The following LRRN1 variants were observed in gnomAD, a reference collection of about 807,000 sequenced individuals.
LRRN1 encodes leucine-rich repeat neuronal protein 1.
Under a neutral mutation model 45.8 loss-of-function variants are expected in LRRN1, and 14 were observed. The observed-to-expected ratio is 0.31, with a 90% CI of 0.20 to 0.48. LRRN1 has a LOEUF of 0.48. Ranked by LOEUF, LRRN1 falls within the 20% of genes least tolerant of loss-of-function variation. LRRN1 has a pLI of 0.99. For missense variants in LRRN1, 789 were observed against 874.2 expected (o/e 0.90, Z 1.23); for synonymous variants, 359 against 330.1 (o/e 1.09, Z -0.95).
chr3:3,804,986 T>C (rs1409489387), intron 1 of LRRN1, among the ~76,000 whole-genome samples: 1 of 152,192 alleles, frequency 6.6e-6, no homozygotes, highest in East Asian at 1.9e-4. Flanking sequence ...ACAAAGATTT[T>C]CAAGGGAGGC....
intron 1 of LRRN1, among the ~76,000 whole-genome samples, chr3:3,832,076 T>C (rs909397332): frequency 6.6e-6 from 1 of 152,186 alleles, no homozygotes; most frequent in African/African-American, 2.4e-5. Flanking sequence ...CACGACTTAG[T>C]TAAGCTCATG....
intron 1 of LRRN1, among the ~76,000 whole-genome samples, chr3:3,822,158 A>T (rs1162402387): frequency 6.6e-6 from 1 of 152,162 alleles, no homozygotes; most frequent in Non-Finnish European, 1.5e-5. Flanking sequence ...CACCCATAAA[A>T]ATAGGAACAT....
chr3:3,845,083 C>T lies in LRRN1; in HGVS notation c.442C>T (p.Leu148Phe), dbSNP rs1693734442. Residue 148 changes from leucine to phenylalanine, a missense_variant, in exon 2 of 2, where the codon CTC becomes TTC. Transcript: ENST00000319331. This position sits in a 1 kb window ranked among gnomAD's most constrained non-coding sequence, Gnocchi z 6.5. ...ACAAGACCTCAGCAACCTTCAAGAACTCTACATCAACCACAACCAAATTAG... is the reference window on the plus strand; with the variant it reads ...ACAAGACCTCAGCAACCTTCAAGAATTCTACATCAACCACAACCAAATTAG... Reference protein sequence around the residue: ...CLQDLSNLQELYINHNQISTI... With the variant: ...CLQDLSNLQEFYINHNQISTI... The T allele has an allele frequency of 1.2e-6, 2 of 1,614,144 alleles. No individual in the cohort carries two copies. Among genetic ancestry groups the T allele is most frequent in the Non-Finnish European group, 1.7e-6 (2 of 1,180,018 alleles).
At chr3:3,827,034 G>GAA (rs1308745187) in intron 1 of LRRN1, among the ~76,000 whole-genome samples, 1 of 152,080 alleles carries the variant, frequency 6.6e-6, no homozygotes, top group African/African-American at 2.4e-5. Context: ...CAACACCCAT[G>GAA]AAAAAGACTC....
chr3:3,823,405 AAAGAAG>A (rs932449423), intron 1 of LRRN1, among the ~76,000 whole-genome samples: 19 of 152,246 alleles, frequency 1.2e-4, no homozygotes, highest in African/African-American at 4.6e-4. Flanking sequence ...TTAAAAAAAA[AAAGAAG>A]AAGAAGAAGG....
intron 1 of LRRN1, among the ~76,000 whole-genome samples, chr3:3,811,740 G>A (rs1692875403): frequency 6.6e-6 from 1 of 152,194 alleles, no homozygotes; most frequent in South Asian, 2.1e-4. Context: ...AATATCAAGT[G>A]CTATTAGAAA....
rs898018013 is a variant in LRRN1, at chr3:3,845,937, A to G, written c.1296A>G (p.Pro432=). ...CLPMISHDSF[P]NRLNVDIGTT... ...CAATGATATCTCACGACAGCTTCCC[A>G]AATCGTTTAAACGTGGATATCGGCA... The change falls in exon 2 of 2, where the codon CCA becomes CCG. Residue 432 remains proline (P), a synonymous_variant. Transcript: ENST00000319331. This position sits in a 1 kb window ranked among gnomAD's most constrained non-coding sequence, Gnocchi z 6.5. 3 of 1,614,002 alleles carry G rather than the reference A, an allele frequency of 1.9e-6. No homozygotes were observed. Among genetic ancestry groups the G allele is most frequent in the African/African-American group, 2.7e-5 (2 of 74,904 alleles).
At chr3:3,810,926 A>G (rs1692858737) in intron 1 of LRRN1, among the ~76,000 whole-genome samples, 1 of 152,182 alleles carries the variant, frequency 6.6e-6, no homozygotes. Context: ...AAATGGAAAT[A>G]GTAATTATTT....
intron 1 of LRRN1, among the ~76,000 whole-genome samples, chr3:3,814,381 A>C (rs1175858031): frequency 1.3e-5 from 2 of 151,316 alleles, no homozygotes; most frequent in Non-Finnish European, 2.9e-5. Context: ...CAGGAATCAG[A>C]TGTATATGGG....
rs2106474828 is a variant in LRRN1, at chr3:3,848,717, C to A, written c.*1925C>A. 6.6e-6 allele frequency among the ~76,000 whole-genome samples: 1 copy of A among 152,254 alleles called. No homozygotes were observed. Among genetic ancestry groups the A allele is most frequent in the South Asian group, 2.1e-4 (1 of 4,824 alleles). The stretch of plus-strand genomic sequence containing the variant: ...CACTTATTGGTGAGAAAAACCTGGG[C>A]CCAGGGAGGGCTTGCAGCTTACCCA... On this transcript the variant is annotated 3_prime_UTR_variant, in exon 2 of 2. Transcript: ENST00000319331.
chr3:3,825,989 A>T (rs1455146607), intron 1 of LRRN1, among the ~76,000 whole-genome samples: 1 of 152,048 alleles, frequency 6.6e-6, no homozygotes, highest in African/African-American at 2.4e-5. Context: ...CCATAAAGGG[A>T]CTCTGAAAGC....
intron 1 of LRRN1, among the ~76,000 whole-genome samples, chr3:3,832,461 C>A (rs899137678): frequency 3.3e-5 from 5 of 152,156 alleles, no homozygotes; most frequent in African/African-American, 1.2e-4. Flanking sequence ...AATTACCTGA[C>A]CTGCATAAGC....
At chr3:3,807,872 C>A (rs747148322) in intron 1 of LRRN1, among the ~76,000 whole-genome samples, 11 of 152,164 alleles carry the variant, frequency 7.2e-5, no homozygotes, top group African/African-American at 2.7e-4. Context: ...GCCTAACCCC[C>A]CAAAGGACCA....
chr3:3,801,985 T>C (rs1021395839), intron 1 of LRRN1, among the ~76,000 whole-genome samples: 1 of 152,220 alleles, frequency 6.6e-6, no homozygotes, highest in Non-Finnish European at 1.5e-5. Flanking sequence ...TAGAAGATCG[T>C]TGTCGTTGAC....
intron 1 of LRRN1, among the ~76,000 whole-genome samples, chr3:3,810,262 A>C (rs1313698984): frequency 6.6e-6 from 1 of 152,202 alleles, no homozygotes; most frequent in African/African-American, 2.4e-5. Context: ...ATATCATTCC[A>C]CCAAGAGGAG....
intron 1 of LRRN1, among the ~76,000 whole-genome samples, chr3:3,842,599 A>T (rs944079055): frequency 1.3e-5 from 2 of 152,196 alleles, no homozygotes; most frequent in Non-Finnish European, 2.9e-5. Flanking sequence ...AATAGCAGCT[A>T]GCATGAATTC....
chr3:3,833,998 C>T (rs1354607007), intron 1 of LRRN1, among the ~76,000 whole-genome samples: 2 of 152,128 alleles, frequency 1.3e-5, no homozygotes, highest in Non-Finnish European at 2.9e-5. Context: ...GTCACCCACT[C>T]GCATGATAAG....
chr3:3,844,407 G>A lies in LRRN1; in HGVS notation c.-235G>A, dbSNP rs190235354. ...ATTTGGCTGAAATAATTCATGCCAC[G>A]GACCTGTGCACATGCCTGGAATTGA... On this transcript the variant is annotated 5_prime_UTR_variant, in exon 2 of 2. Transcript: ENST00000319331. 39 of 443,982 alleles carry A rather than the reference G, an allele frequency of 8.8e-5. No homozygotes were observed. The East Asian group carries it at 1.1e-3, about 13-fold the overall frequency. 27.5% of individuals were successfully genotyped at this position (443,982 alleles called of 1,614,324 possible).
In LRRN1 at chr3:3,844,866, A is replaced by G. The variant is rs749651190; in HGVS notation, c.225A>G (p.Gln75=). ...RIPSNLSSDT[Q]VLLLQSNNIA... Reference sequence around the variant, plus strand: ...CCAGTAACCTCTCTAGTGACACACAAGTGCTTCTCTTACAGAGCAATAACA... The same window carrying G: ...CCAGTAACCTCTCTAGTGACACACAGGTGCTTCTCTTACAGAGCAATAACA... The change falls in exon 2 of 2, where the codon CAA becomes CAG. Residue 75 remains glutamine, a synonymous_variant. Coordinates refer to ENST00000319331, the MANE Select transcript of LRRN1 (RefSeq NM_020873.7). 6.2e-6 allele frequency: 10 copies of G among 1,614,054 alleles called. No individual in the cohort carries two copies. The highest frequency in any genetic ancestry group is 1.3e-5 in the African/African-American group (1 of 74,932).
Sources: gnomAD v4.1 joint callset for allele counts (sites outside exome capture counted in the v4.1 genomes callset) on GRCh38, gnomAD v4.1.1 for gene constraint, Gnocchi (gnomAD v3.1) non-coding constraint, MANE v1.5 for transcripts, NCBI Gene and HGNC (gene_info 2026-07-23, HGNC 2026-07-21) for gene names.